DCK: variants seen among roughly 807,000 people sequenced by gnomAD.
DCK encodes the protein deoxycytidine kinase.
A neutral mutation model predicts 38.3 loss-of-function variants in DCK; 23 were observed. The observed-to-expected ratio is 0.60, with a 90% CI of 0.43 to 0.85. The LOEUF (loss-of-function observed/expected upper bound fraction) is 0.85. Ranked by LOEUF, DCK falls within the 40% of genes least tolerant of loss-of-function variation. The pLI is 0.00. For missense variants in DCK, 259 were observed against 304.4 expected (o/e 0.85, Z 1.11); for synonymous variants, 108 against 100.6 (o/e 1.07, Z -0.44).
intron 2 of DCK, among the ~76,000 whole-genome samples, chr4:71,015,396 CAATAGAAA>C (rs1740233806): frequency 6.6e-6 from 1 of 152,144 alleles, no homozygotes; most frequent in Admixed American, 6.5e-5. Flanking sequence ...CTATTCCAAT[CAATAGAAA>C]AAGAGGGAAT....
chr4:70,993,848 C>A lies in DCK; in HGVS notation c.13C>A (p.Pro5Thr), dbSNP rs199540553. ...ACAAGACTAAGGAATGGCCACCCCG[C>A]CCAAGAGAAGCTGCCCGTCTTTCTC... Reference protein sequence around the residue: MATPPKRSCPSFSAS... With the variant: MATPTKRSCPSFSAS... The change falls in exon 1 of 7, where the codon CCC (proline) becomes ACC (threonine). Residue 5 changes from proline (P) to threonine (T), a missense_variant. Coordinates refer to ENST00000286648, the MANE Select transcript of DCK (RefSeq NM_000788.3). 2.0e-5 allele frequency: 32 copies of A among 1,613,650 alleles called. No homozygotes were observed. The highest frequency in any genetic ancestry group is 2.5e-5 in the Non-Finnish European group (30 of 1,179,686).
intron 2 of DCK, among the ~76,000 whole-genome samples, chr4:71,005,490 C>T (rs998397462): frequency 6.6e-6 from 1 of 151,550 alleles, no homozygotes; most frequent in African/African-American, 2.4e-5. Flanking sequence ...AAATTAAATT[C>T]CTTCATTGTC....
chr4:71,004,325 C>G (rs1739883932), intron 2 of DCK, among the ~76,000 whole-genome samples: 1 of 152,200 alleles, frequency 6.6e-6, no homozygotes, highest in African/African-American at 2.4e-5. Flanking sequence ...GCTCCTTCCT[C>G]AGGAAGCTTT....
chr4:71,019,375 T>C (rs1219617004), intron 2 of DCK, among the ~76,000 whole-genome samples: 1 of 152,208 alleles, frequency 6.6e-6, no homozygotes, highest in East Asian at 1.9e-4. Context: ...ATGTGGTCTT[T>C]TTTAGTTAAT....
intron 1 of DCK, 38 bp downstream of exon 1, chr4:70,993,964 G>C (rs200970510): frequency 3.4e-6 from 5 of 1,460,614 alleles, no homozygotes; most frequent in Non-Finnish European, 3.8e-6. Context: ...CAAGGCTGGG[G>C]TGTCGCGGCA....
chr4:71,013,130 G>A (rs1187661660), intron 2 of DCK, among the ~76,000 whole-genome samples: 2 of 152,154 alleles, frequency 1.3e-5, no homozygotes, highest in African/African-American at 2.4e-5. Context: ...TTCAGTAGCC[G>A]ATTCAATCAA....
At position 71,030,731 on chromosome 4, in the gene DCK, TCTA is replaced by T. The variant is rs1740671808; in HGVS notation, c.*1356_*1358del. ...TAATCATTTTAGAATTAAAATTTAT[TCTA>T]CTTTTAAATAAATTATGAATATTAA... On this transcript the variant is annotated 3_prime_UTR_variant, in exon 7 of 7. Transcript: ENST00000286648. 1 of 152,148 alleles carries T rather than the reference TCTA, an allele frequency of 6.6e-6. No individual in the cohort carries two copies. The highest frequency in any genetic ancestry group is 1.5e-5 in the Non-Finnish European group (1 of 67,986). 9.4% of individuals were successfully genotyped at this position (152,148 alleles called of 1,614,324 possible).
intron 6 of DCK, among the ~76,000 whole-genome samples, chr4:71,027,232 A>G (rs576481127): frequency 6.6e-6 from 1 of 152,108 alleles, no homozygotes; most frequent in South Asian, 2.1e-4. Flanking sequence ...GTTACAGGAT[A>G]TGGATCTCAT....
Position 71,023,545 on chromosome 4 carries a change from A to T in DCK, c.402-14A>T. On this transcript the variant is annotated splice_polypyrimidine_tract_variant and intron_variant, in intron 3 of 6. Coordinates refer to ENST00000286648, the MANE Select transcript of DCK (RefSeq NM_000788.3). ...TTTGAAATGATACATGTGTTGATGA[A>T]GACTCTCTTTTAGGTATATTTTTGC... is the stretch of plus-strand genomic sequence containing the variant. The T allele has an allele frequency of 1.3e-6, 2 of 1,507,378 alleles. No individual in the cohort carries two copies. Among genetic ancestry groups the T allele is most frequent in the Non-Finnish European group, 1.8e-6 (2 of 1,109,354 alleles). The allele number at this position is 1,507,378 out of a possible 1,614,324, so 93.4% of individuals were successfully genotyped here.
At chr4:70,995,794 G>A (rs1180223175) in intron 1 of DCK, among the ~76,000 whole-genome samples, 1 of 151,986 alleles carries the variant, frequency 6.6e-6, no homozygotes, top group Non-Finnish European at 1.5e-5. Context: ...CGGTCTTTTT[G>A]TATGCAAATG....
At chr4:70,994,088 C>T (rs1309889709) in intron 1 of DCK, 162 bp downstream of exon 1, 4 of 641,388 alleles carry the variant, frequency 6.2e-6, no homozygotes, top group African/African-American at 1.8e-5. Context: ...GAGCATCCTT[C>T]CCTTACCTCC....
At chr4:71,016,706 G>A (rs151251862) in intron 2 of DCK, among the ~76,000 whole-genome samples, 3,529 of 152,204 alleles carry the variant, frequency 0.023, 156 homozygotes, top group African/African-American at 0.081. Context: ...TTTAATAAAC[G>A]GTGCTGGAAA....
At chr4:70,997,667 G>A (rs1408562626) in intron 1 of DCK, among the ~76,000 whole-genome samples, 2 of 152,166 alleles carry the variant, frequency 1.3e-5, no homozygotes, top group Non-Finnish European at 2.9e-5. Flanking sequence ...GTATATTGAA[G>A]TTATTTATAT....
intron 2 of DCK, among the ~76,000 whole-genome samples, chr4:71,001,626 T>C (rs937763007): frequency 6.6e-6 from 1 of 152,156 alleles, no homozygotes; most frequent in African/African-American, 2.4e-5. Context: ...TGGGCTTTTT[T>C]TTGGTTGGTA....
chr4:71,024,445 G>A (rs1325810656), intron 4 of DCK, among the ~76,000 whole-genome samples: 1 of 152,020 alleles, frequency 6.6e-6, no homozygotes, highest in Non-Finnish European at 1.5e-5. Context: ...TCTGGTTTTG[G>A]TGCGTGCATT....
Position 71,030,518 on chromosome 4 carries a change from A to C in DCK, c.*1140A>C, listed in dbSNP as rs1740665505. The C allele has an allele frequency of 1.3e-5, 2 of 152,194 alleles. No homozygotes were observed. Among genetic ancestry groups the C allele is most frequent in the Non-Finnish European group, 2.9e-5 (2 of 68,008 alleles). 9.4% of individuals were successfully genotyped at this position (152,194 alleles called of 1,614,324 possible). A position where few individuals can be genotyped will look rare whatever the true frequency, so the allele number is the denominator to read the frequency against. The stretch of plus-strand genomic sequence containing the variant: ...CCAGTCCAGACGCACTGATCTTTGC[A>C]AAGGAGACTTAATTTCAAATCTGTA... On this transcript the variant is annotated 3_prime_UTR_variant, in exon 7 of 7. Transcript: ENST00000286648.
At chr4:71,028,634 C>T (rs370221304) in intron 6 of DCK, 48 of 438,378 alleles carry the variant, frequency 1.1e-4, no homozygotes, top group African/African-American at 8.9e-4. Flanking sequence ...CTTGCTCCGT[C>T]GCCCAGGCTG....
Position 70,993,728 on chromosome 4 carries a change from G to A in DCK, c.-108G>A. ...GCCGGTGAGCTCACTAGCTGACCCGGCAGGTCAGGATCTGGCTTAGCGGCG... is the reference window on the plus strand; with the variant it reads ...GCCGGTGAGCTCACTAGCTGACCCGACAGGTCAGGATCTGGCTTAGCGGCG... On this transcript the variant is annotated 5_prime_UTR_variant, in exon 1 of 7. Coordinates refer to ENST00000286648, the MANE Select transcript of DCK (RefSeq NM_000788.3). The A allele has an allele frequency of 2.8e-6, 2 of 708,402 alleles. No homozygotes were observed. The highest frequency in any genetic ancestry group is 4.7e-6 in the Non-Finnish European group (2 of 423,914). 43.9% of individuals were successfully genotyped at this position (708,402 alleles called of 1,614,324 possible). A position where few individuals can be genotyped will look rare whatever the true frequency, so the allele number is the denominator to read the frequency against.
intron 2 of DCK, among the ~76,000 whole-genome samples, chr4:71,015,823 A>G (rs1406785731): frequency 2.0e-5 from 3 of 152,218 alleles, no homozygotes; most frequent in Non-Finnish European, 4.4e-5. Context: ...CACAGCCAAT[A>G]TCACACTGAA....
Sources: allele counts gnomAD v4.1 joint callset (sites outside exome capture counted in the v4.1 genomes callset), GRCh38; gene constraint gnomAD v4.1.1; transcripts MANE v1.5; gene names NCBI Gene and HGNC (gene_info 2026-07-23, HGNC 2026-07-21).